Variants in COL5A2 observed in about 807,000 individuals in gnomAD.
The protein encoded by COL5A2 is collagen alpha-2(V) chain.
A neutral mutation model predicts 208.2 loss-of-function variants in COL5A2; 23 were observed. That is an observed-to-expected ratio of 0.11 (90% CI 0.08 to 0.16). The LOEUF (loss-of-function observed/expected upper bound fraction) is 0.16. Ranked by LOEUF, COL5A2 falls within the 10% of genes least tolerant of loss-of-function variation. COL5A2 has a pLI of 1.00. For synonymous variants in COL5A2, 625 were observed against 628.5 expected, an observed-to-expected ratio of 0.99 and a Z score of 0.08; for missense variants, 1,590 against 1,956.4, an observed-to-expected ratio of 0.81 and a Z score of 3.53.
chr2:189,369,491 A>G, the COL5A2 span, among the ~76,000 whole-genome samples: 1 of 152,090 alleles, frequency 6.6e-6, no homozygotes, highest in Non-Finnish European at 1.5e-5. Context: ...CTATCTTTTA[A>G]CTGAGGGAGT....
At chr2:189,321,589 A>C in the COL5A2 span, among the ~76,000 whole-genome samples, 3 of 152,176 alleles carry the variant, frequency 2.0e-5, no homozygotes. Flanking sequence ...ATAAAGGTAA[A>C]GGGATCAATT....
chr2:189,036,336 A>G (rs1685443397), intron 52 of COL5A2, among the ~76,000 whole-genome samples: 1 of 152,154 alleles, frequency 6.6e-6, no homozygotes, highest in South Asian at 2.1e-4. Flanking sequence ...TCCATAGTCC[A>G]TGTCACATAC....
chr2:189,435,317 T>C, the COL5A2 span, among the ~76,000 whole-genome samples: 1 of 152,004 alleles, frequency 6.6e-6, no homozygotes, highest in Non-Finnish European at 1.5e-5. Context: ...AAAACCAAAA[T>C]TGACAAATGG....
the COL5A2 span, among the ~76,000 whole-genome samples, chr2:189,425,458 C>T: frequency 1.3e-5 from 2 of 152,098 alleles, no homozygotes; most frequent in Non-Finnish European, 2.9e-5. Context: ...TATCCATAAA[C>T]AGATGAATAG....
chr2:189,419,693 G>C, the COL5A2 span, among the ~76,000 whole-genome samples: 1 of 151,922 alleles, frequency 6.6e-6, no homozygotes. Context: ...CTACTGGAAA[G>C]ACTGAGGCAG....
the COL5A2 span, among the ~76,000 whole-genome samples, chr2:189,251,061 C>T: frequency 6.6e-6 from 1 of 152,132 alleles, no homozygotes; most frequent in Non-Finnish European, 1.5e-5. Context: ...GACACTATTT[C>T]ACTGGGTTCT....
the COL5A2 span, among the ~76,000 whole-genome samples, chr2:189,237,011 T>G: frequency 6.6e-6 from 1 of 151,934 alleles, no homozygotes; most frequent in Admixed American, 6.6e-5. Flanking sequence ...ACATTTAGAT[T>G]AGAAAGGATT....
rs1685786145 is a variant in COL5A2 at position 189,051,440 on chromosome 2, C to T, written c.2811G>A (p.Lys937=). The T allele has an allele frequency of 6.2e-7, 1 of 1,612,858 alleles. No individual in the cohort carries two copies. The highest frequency in any genetic ancestry group is 1.1e-5 in the South Asian group (1 of 90,944). ...CCCCACGAAGACCTGGAGGTCCCTC[C>T]TTCCCGGGTTCCCCTAGGGGTCCCG... ...GPAGPLGEPG[K]EGPPGLRGDP... Residue 937 remains lysine, a synonymous_variant, in exon 42 of 54, where the codon AAG becomes AAA. Transcript: ENST00000374866.
At chr2:189,422,750 C>T in the COL5A2 span, among the ~76,000 whole-genome samples, 2 of 152,110 alleles carry the variant, frequency 1.3e-5, no homozygotes, top group African/African-American at 2.4e-5. Flanking sequence ...CAAGGCCAGG[C>T]GTGGTGGCTC....
At chr2:189,341,625 G>A in the COL5A2 span, among the ~76,000 whole-genome samples, 101 of 152,098 alleles carry the variant, frequency 6.6e-4, no homozygotes, top group Admixed American at 3.0e-3. Flanking sequence ...ATCACTTCCA[G>A]GGCTGGTTTC....
At chr2:189,207,135 A>C (rs1476994838) in intron 1 of COL5A2, among the ~76,000 whole-genome samples, 1 of 152,208 alleles carries the variant, frequency 6.6e-6, no homozygotes, top group Non-Finnish European at 1.5e-5. Flanking sequence ...TCAAAAGAAA[A>C]TTTAGTTTTC....
chr2:189,042,802 C>A, intron 48 of COL5A2, 29 bp from the exon 49 acceptor site: 1 of 1,592,970 alleles, frequency 6.3e-7, no homozygotes, highest in Non-Finnish European at 8.6e-7. Flanking sequence ...AAAAATGTTG[C>A]CAAAATATTT....
Position 189,049,396 on chromosome 2 carries a change from G to A in COL5A2, c.3098C>T (p.Pro1033Leu), listed in dbSNP as rs75542756. Residue 1033 changes from proline (P) to leucine (L), a missense_variant, in exon 44 of 54, where the codon CCT becomes CTT. Physicochemically the swap from Pro to Leu is moderately conservative, Grantham distance 98. Transcript: ENST00000374866. ...ACCATTGGAGCCTGGGGGCCCCACAGGTCCAGGTGGACCTTTATCTCCTGT... is the reference window on the plus strand; with the variant it reads ...ACCATTGGAGCCTGGGGGCCCCACAAGTCCAGGTGGACCTTTATCTCCTGT... ...GATGDKGPPG[P>L]VGPPGSNGPV... 1.5e-3 allele frequency: 2,353 copies of A among 1,613,676 alleles called. 49 individuals are homozygous for A. The East Asian group carries it at 0.047, about 32-fold the overall frequency.
chr2:189,319,308 G>C, the COL5A2 span, among the ~76,000 whole-genome samples: 1 of 152,236 alleles, frequency 6.6e-6, no homozygotes, highest in Non-Finnish European at 1.5e-5. Context: ...GGGCTTGTCA[G>C]ACAGTAGGTG....
the COL5A2 span, among the ~76,000 whole-genome samples, chr2:189,391,356 A>G: frequency 2.6e-5 from 4 of 152,316 alleles, no homozygotes; most frequent in East Asian, 7.7e-4. Context: ...TAGGAATTAC[A>G]TAAACCATCT....
chr2:189,085,313 T>A (rs1394945536), intron 10 of COL5A2, 100 bp from the exon 11 acceptor site: 2 of 1,005,144 alleles, frequency 2.0e-6, no homozygotes, highest in Non-Finnish European at 3.0e-6. Context: ...TGTCAAACTA[T>A]TATTGAAACA....
At chr2:189,081,183 C>T in intron 12 of COL5A2, 140 bp from the exon 13 acceptor site, 1 of 692,788 alleles carries the variant, frequency 1.4e-6, no homozygotes, top group East Asian at 2.7e-5. Flanking sequence ...AAGCAGTATA[C>T]TTTTATCTGT....
the COL5A2 span, among the ~76,000 whole-genome samples, chr2:189,438,982 C>G: frequency 6.6e-6 from 1 of 152,280 alleles, no homozygotes; most frequent in East Asian, 1.9e-4. Context: ...CCACACTGGC[C>G]TCTTGACTTA....
the COL5A2 span, among the ~76,000 whole-genome samples, chr2:189,286,434 C>T: frequency 3.9e-5 from 6 of 152,130 alleles, no homozygotes; most frequent in East Asian, 1.2e-3. Context: ...TGAGTCACTA[C>T]TAAGATAGCT....
Sources: allele counts gnomAD v4.1 joint callset (sites outside exome capture counted in the v4.1 genomes callset), GRCh38; gene constraint gnomAD v4.1.1; transcripts MANE v1.5; gene names NCBI Gene and HGNC (gene_info 2026-07-23, HGNC 2026-07-21).